NYAP2: variants seen among roughly 807,000 people sequenced by gnomAD.
The protein encoded by NYAP2 is neuronal tyrosine-phosphorylated phosphoinositide-3-kinase adaptor 2.
NYAP2 carries 23 observed loss-of-function variants against 50.4 expected under a neutral mutation model. The ratio of observed to expected loss-of-function variants is 0.46; its 90% CI spans 0.33 to 0.65. The LOEUF is 0.65. Ranked by LOEUF, NYAP2 falls within the 30% of genes least tolerant of loss-of-function variation. The probability of loss-of-function intolerance (pLI) is 0.02; values close to 1 mark genes in which losing one functional copy is unlikely to be tolerated. For missense variants in NYAP2, 885 were observed against 861.0 expected, an observed-to-expected ratio of 1.03 and a Z score of -0.35; for synonymous variants, 394 against 365.2, an observed-to-expected ratio of 1.08 and a Z score of -0.90.
intron 5 of NYAP2, among the ~76,000 whole-genome samples, chr2:225,592,976 G>A (rs189509897): frequency 1.0e-3 from 154 of 152,222 alleles, no homozygotes; most frequent in Middle Eastern, 3.4e-3. Context: ...GATTCCCTCA[G>A]TAGTATTTAA....
downstream of NYAP2, among the ~76,000 whole-genome samples, chr2:225,654,517 T>C (rs549236159): frequency 3.9e-5 from 6 of 151,958 alleles, no homozygotes; most frequent in South Asian, 8.3e-4. Context: ...ACCCCATCTG[T>C]ACTAAAAATA....
At chr2:225,432,715 C>T (rs919693068) in intron 3 of NYAP2, among the ~76,000 whole-genome samples, 9 of 152,120 alleles carry the variant, frequency 5.9e-5, no homozygotes, top group Non-Finnish European at 1.3e-4. Context: ...AGACTCTTCC[C>T]TCCCTTCTCT....
intron 5 of NYAP2, among the ~76,000 whole-genome samples, chr2:225,589,850 A>G (rs1314824722): frequency 1.3e-5 from 2 of 152,156 alleles, no homozygotes; most frequent in Non-Finnish European, 2.9e-5. Context: ...GAGGGAGTCT[A>G]TAGTCTTGGA....
intron 3 of NYAP2, among the ~76,000 whole-genome samples, chr2:225,462,644 C>T (rs1322577165): frequency 6.6e-6 from 1 of 152,120 alleles, no homozygotes; most frequent in East Asian, 1.9e-4. Context: ...CCCCATAAAC[C>T]ACATTGAAAT....
At chr2:225,541,226 T>A (rs940246845) in intron 4 of NYAP2, among the ~76,000 whole-genome samples, 2 of 152,170 alleles carry the variant, frequency 1.3e-5, no homozygotes, top group Non-Finnish European at 2.9e-5. Context: ...AATATTTTAT[T>A]CCATTTTGTA....
chr2:225,566,438 A>G (rs919624134), intron 4 of NYAP2, among the ~76,000 whole-genome samples: 2 of 152,216 alleles, frequency 1.3e-5, no homozygotes, highest in Non-Finnish European at 2.9e-5. Context: ...TTCAGCTTCT[A>G]CAGAGTTGAC....
intron 3 of NYAP2, among the ~76,000 whole-genome samples, chr2:225,490,051 C>T (rs111247224): frequency 1.8e-4 from 27 of 152,286 alleles, no homozygotes; most frequent in African/African-American, 5.5e-4. Context: ...TGATATTGTT[C>T]ATCCAAGTGA....
intron 3 of NYAP2, among the ~76,000 whole-genome samples, chr2:225,433,102 A>G (rs1475062192): frequency 6.6e-6 from 1 of 152,198 alleles, no homozygotes; most frequent in Non-Finnish European, 1.5e-5. Context: ...TTTTTAAAAA[A>G]ACCTATAAAA....
chr2:225,402,739 G>A (rs1490587263), intron 2 of NYAP2, among the ~76,000 whole-genome samples: 1 of 151,992 alleles, frequency 6.6e-6, no homozygotes, highest in Non-Finnish European at 1.5e-5. Flanking sequence ...CCCATTTTGG[G>A]CAGAACAGCT....
chr2:225,642,321 C>A (rs999432510), intron 6 of NYAP2, among the ~76,000 whole-genome samples: 4 of 152,070 alleles, frequency 2.6e-5, no homozygotes, highest in Non-Finnish European at 4.4e-5. Context: ...ATCAGATTGA[C>A]CCCCAATAAT....
intron 2 of NYAP2, among the ~76,000 whole-genome samples, chr2:225,404,185 AG>A (rs1694903983): frequency 6.6e-6 from 1 of 151,934 alleles, no homozygotes; most frequent in African/African-American, 2.4e-5. Context: ...CTATAATCTT[AG>A]TTTGATTCTT....
intron 3 of NYAP2, among the ~76,000 whole-genome samples, chr2:225,429,304 C>T (rs911500192): frequency 1.3e-5 from 2 of 152,196 alleles, no homozygotes; most frequent in Non-Finnish European, 2.9e-5. Context: ...AAATGCTAAG[C>T]TTGCATGTTG....
chr2:225,552,772 C>T (rs1255392016), intron 4 of NYAP2, among the ~76,000 whole-genome samples: 1 of 152,180 alleles, frequency 6.6e-6, no homozygotes, highest in African/African-American at 2.4e-5. Flanking sequence ...CTCACAGCAA[C>T]CTCTGCCTTG....
At chr2:225,698,279 A>AT in the NYAP2 span, 1 of 152,124 alleles carries the variant, frequency 6.6e-6, no homozygotes, top group South Asian at 2.1e-4. Flanking sequence ...CTTTCATTCC[A>AT]TTTTTTTCTT....
intron 3 of NYAP2, among the ~76,000 whole-genome samples, chr2:225,430,729 A>G (rs759590986): frequency 5.3e-5 from 8 of 152,166 alleles, no homozygotes; most frequent in Non-Finnish European, 8.8e-5. Context: ...TTTTTTTATT[A>G]AAACCAAAAA....
At chr2:225,538,494 C>T (rs1220208118) in intron 4 of NYAP2, among the ~76,000 whole-genome samples, 2 of 152,206 alleles carry the variant, frequency 1.3e-5, no homozygotes, top group East Asian at 1.9e-4. Context: ...TCTATGTTGG[C>T]CCTTTTTCAG....
intron 5 of NYAP2, among the ~76,000 whole-genome samples, chr2:225,594,018 A>G (rs778054559): frequency 6.6e-6 from 1 of 152,206 alleles, no homozygotes; most frequent in Non-Finnish European, 1.5e-5. Context: ...GATATAAAGA[A>G]TATGCCCATC....
intron 4 of NYAP2, among the ~76,000 whole-genome samples, chr2:225,555,186 C>A (rs1233917837): frequency 4.6e-5 from 7 of 152,008 alleles, no homozygotes; most frequent in Non-Finnish European, 8.8e-5. Flanking sequence ...TTTGATCAAC[C>A]ATTTGGAAGG....
intron 2 of NYAP2, among the ~76,000 whole-genome samples, chr2:225,406,926 A>C (rs1694951611): frequency 6.6e-6 from 1 of 151,996 alleles, no homozygotes; most frequent in Non-Finnish European, 1.5e-5. Context: ...GGAAAACTTA[A>C]GGAAAAAAAT....
Sources: allele counts gnomAD v4.1 joint callset (sites outside exome capture counted in the v4.1 genomes callset), GRCh38; gene constraint gnomAD v4.1.1; transcripts MANE v1.5; gene names NCBI Gene and HGNC (gene_info 2026-07-23, HGNC 2026-07-21).